The following NRG1 variants were observed in gnomAD, a reference collection of about 807,000 sequenced individuals.
The protein encoded by NRG1 is neuregulin 1, also known as pro-neuregulin-1, membrane-bound isoform.
NRG1 carries 18 observed loss-of-function variants against 63.8 expected under a neutral mutation model. That is an observed-to-expected ratio of 0.28 (90% CI 0.19 to 0.42). The LOEUF (loss-of-function observed/expected upper bound fraction) is 0.42. NRG1 is among the 10% of genes least tolerant of loss of function. The pLI, the probability that NRG1 is intolerant of heterozygous loss-of-function variation, is 1.00. For missense variants in NRG1, 762 were observed against 814.7 expected, an observed-to-expected ratio of 0.94 and a Z score of 0.79; for synonymous variants, 302 against 301.3, an observed-to-expected ratio of 1.00 and a Z score of -0.02.
intron 1 of NRG1, among the ~76,000 whole-genome samples, chr8:31,841,386 C>G (rs549626618): frequency 1.3e-5 from 2 of 152,134 alleles, no homozygotes; most frequent in African/African-American, 4.8e-5. Flanking sequence ...GGGTCTTACA[C>G]AACATTCTAG....
At chr8:32,231,457 TA>T (rs917700236) in intron 1 of NRG1, among the ~76,000 whole-genome samples, 13 of 152,174 alleles carry the variant, frequency 8.5e-5, no homozygotes, top group Non-Finnish European at 1.3e-4. Flanking sequence ...CATATTTATA[TA>T]AAAAGGGAAA....
intron 1 of NRG1, among the ~76,000 whole-genome samples, chr8:32,537,245 G>A (rs998225678): frequency 1.4e-5 from 2 of 144,130 alleles, no homozygotes; most frequent in African/African-American, 5.1e-5. Flanking sequence ...ACGTTGGTCT[G>A]ATTCTACTCA....
chr8:32,344,055 T>C (rs1804416535), intron 1 of NRG1, among the ~76,000 whole-genome samples: 2 of 152,202 alleles, frequency 1.3e-5, no homozygotes, highest in South Asian at 4.1e-4. Flanking sequence ...AGTAATTCCT[T>C]CAACACAAGG....
At chr8:31,891,584 T>C (rs1831149201) in intron 1 of NRG1, among the ~76,000 whole-genome samples, 1 of 152,158 alleles carries the variant, frequency 6.6e-6, no homozygotes, top group African/African-American at 2.4e-5. Flanking sequence ...GAGTTCAATT[T>C]CATAAATTAA....
intron 1 of NRG1, among the ~76,000 whole-genome samples, chr8:31,936,716 C>T (rs936519121): frequency 2.6e-5 from 4 of 152,204 alleles, no homozygotes; most frequent in Non-Finnish European, 4.4e-5. Flanking sequence ...GTCATCCTTG[C>T]TATTTTCGTG....
chr8:31,666,936 G>A (rs1188901419), intron 1 of NRG1, among the ~76,000 whole-genome samples: 1 of 152,146 alleles, frequency 6.6e-6, no homozygotes, highest in Non-Finnish European at 1.5e-5. Context: ...CTGTCAACAT[G>A]TTAACTCATT....
At chr8:32,672,111 C>T (rs1480528059) in intron 5 of NRG1, among the ~76,000 whole-genome samples, 2 of 151,732 alleles carry the variant, frequency 1.3e-5, no homozygotes, top group Admixed American at 1.3e-4. Flanking sequence ...GTGGCACAAT[C>T]TCGGCTCACT....
rs151287773 is a variant in NRG1 at position 32,534,351 on chromosome 8, T to C, written c.38-61477T>C. On this transcript the variant is annotated intron_variant, in intron 1 of 10. Transcript: ENST00000519301. ...TGAATCTTTACTGTATTCCTCAAGC[T>C]ATAAACTATGTTTATAGACTCCTTC... Among the ~76,000 whole-genome samples, 97 of 152,294 alleles carry C rather than the reference T, an allele frequency of 6.4e-4. 1 individual carries two copies. In the East Asian group the frequency reaches 0.018, roughly 28 times the overall value.
At chr8:31,812,596 T>G (rs2131792596) in intron 1 of NRG1, among the ~76,000 whole-genome samples, 1 of 151,974 alleles carries the variant, frequency 6.6e-6, no homozygotes, top group South Asian at 2.1e-4. Flanking sequence ...TCCTCCTTCC[T>G]TTTTTATCTC....
chr8:32,420,648 G>T (rs1816599425), intron 1 of NRG1, among the ~76,000 whole-genome samples: 1 of 151,914 alleles, frequency 6.6e-6, no homozygotes, highest in African/African-American at 2.4e-5. Context: ...GATGTGGAGT[G>T]TTTACAACAT....
intron 1 of NRG1, among the ~76,000 whole-genome samples, chr8:32,368,390 A>T: frequency 6.6e-6 from 1 of 152,004 alleles, no homozygotes; most frequent in East Asian, 1.9e-4. Flanking sequence ...GCAAGATAGC[A>T]AGACCCTGTC....
chr8:32,614,402 C>A, intron 3 of NRG1, 112 bp from the exon 4 acceptor site: 1 of 987,986 alleles, frequency 1.0e-6, no homozygotes, highest in Non-Finnish European at 1.6e-6. Context: ...TTCTCACTCC[C>A]TTGCAATACT....
intron 1 of NRG1, among the ~76,000 whole-genome samples, chr8:32,393,859 T>C (rs1009687274): frequency 3.3e-5 from 5 of 152,076 alleles, no homozygotes; most frequent in African/African-American, 1.2e-4. Flanking sequence ...ATAACAAACC[T>C]GCACATGTAC....
At chr8:32,060,697 C>T (rs1823703676) in intron 1 of NRG1, among the ~76,000 whole-genome samples, 1 of 151,882 alleles carries the variant, frequency 6.6e-6, no homozygotes, top group Non-Finnish European at 1.5e-5. Context: ...ATGGAGCTTA[C>T]ATTGGGTTTT....
In NRG1 at chr8:32,072,686, T is replaced by C. The variant is rs1378736588; in HGVS notation, c.37+433255T>C. ...AGGGCAAATAACATAACTGCTTATATGGTGATTTATTTTAAATTGAATCTG... is the reference window on the plus strand; with the variant it reads ...AGGGCAAATAACATAACTGCTTATACGGTGATTTATTTTAAATTGAATCTG... On this transcript the variant is annotated intron_variant, in intron 1 of 10. Coordinates refer to the NRG1 transcript ENST00000519301. Among the ~76,000 whole-genome samples, 12 of 152,308 alleles carry C rather than the reference T, an allele frequency of 7.9e-5. No homozygotes were observed. The East Asian group carries it at 2.3e-3, about 29-fold the overall frequency.
chr8:32,067,413 T>C (rs1276363075), intron 1 of NRG1, among the ~76,000 whole-genome samples: 1 of 152,206 alleles, frequency 6.6e-6, no homozygotes, highest in Non-Finnish European at 1.5e-5. Flanking sequence ...TGTTGAAGTT[T>C]GTCAAAGGCC....
intron 1 of NRG1, among the ~76,000 whole-genome samples, chr8:31,694,159 G>A (rs1237148845): frequency 1.3e-5 from 2 of 152,168 alleles, no homozygotes; most frequent in African/African-American, 4.8e-5. Flanking sequence ...GTCTTTTGAG[G>A]TGGTGGGAAG....
At chr8:32,708,253 G>T (rs1486916596) in intron 5 of NRG1, among the ~76,000 whole-genome samples, 1 of 152,054 alleles carries the variant, frequency 6.6e-6, no homozygotes, top group Non-Finnish European at 1.5e-5. Flanking sequence ...ATAATGCATA[G>T]AAGGAAACAG....
intron 1 of NRG1, among the ~76,000 whole-genome samples, chr8:32,228,661 A>G (rs578046939): frequency 1.3e-5 from 2 of 152,324 alleles, no homozygotes; most frequent in East Asian, 1.9e-4. Context: ...ATCAATGACT[A>G]TGCTGTATAG....
Sources: allele counts gnomAD v4.1 joint callset (sites outside exome capture counted in the v4.1 genomes callset), GRCh38; gene constraint gnomAD v4.1.1; transcripts MANE v1.5; gene names NCBI Gene and HGNC (gene_info 2026-07-23, HGNC 2026-07-21).